Variants in ERF observed in about 807,000 individuals in gnomAD.
ERF encodes the protein ETS2 repressor factor.
Under a neutral mutation model 41.6 loss-of-function variants are expected in ERF, and 10 were observed. The ratio of observed to expected loss-of-function variants is 0.24; its 90% confidence interval spans 0.15 to 0.41. The LOEUF is 0.41. Among genes scored for constraint, ERF ranks in the 10% least tolerant of loss-of-function variants. The pLI, the probability that ERF is intolerant of heterozygous loss-of-function variation, is 1.00. For missense variants in ERF, 621 were observed against 763.2 expected (o/e 0.81, Z 2.19); for synonymous variants, 395 against 342.4 (o/e 1.15, Z -1.70).
chr19:42,250,147 C>T lies in ERF; in HGVS notation c.257+184G>A. The T allele has an allele frequency of 1.3e-6, 1 of 765,982 alleles. No homozygotes were observed. The highest frequency in any genetic ancestry group is 2.5e-5 in the Admixed American group (1 of 40,268). The allele number at this position is 765,982 out of a possible 1,614,324, so 47.4% of individuals were successfully genotyped here. A position where few individuals can be genotyped will look rare whatever the true frequency, so the allele number is the denominator to read the frequency against. On this transcript the variant is annotated intron_variant, in intron 2 of 3. Transcript: ENST00000222329. This position sits in a 1 kb window ranked among gnomAD's most constrained non-coding sequence, Gnocchi z 5.1. ...TAGAGGATCCACTGGTGACTGTAATCTCTCCTCAGGATACGTCTGTGTTAC... is the reference window on the plus strand; with the variant it reads ...TAGAGGATCCACTGGTGACTGTAATTTCTCCTCAGGATACGTCTGTGTTAC...
rs754348493 is a variant in ERF at position 42,249,828 on chromosome 19, A to G, written c.372T>C (p.Ala124=). 1.9e-6 allele frequency: 3 copies of G among 1,614,168 alleles called. No individual in the cohort carries two copies. The Admixed American group carries it at 5.0e-5, about 27-fold the overall frequency. ...ACACCAACCATCCCTGGTACTCACC[A>G]GCCAACCCCACATCAATGAATGGGT... is the stretch of plus-strand genomic sequence containing the variant. ...VNYPFIDVGL[A]GGAVPQSAPP... The change falls in exon 3 of 4, where the codon GCT becomes GCC. Residue 124 remains alanine, a splice_region_variant and synonymous_variant. Transcript: ENST00000222329. The surrounding 1 kb of genome is among the most constrained non-coding windows in gnomAD (Gnocchi z 8.6).
In ERF at chr19:42,249,233, C is replaced by T. The variant is rs201956380; in HGVS notation, c.879G>A (p.Gly293=). ...LSPMYPSGGG[G]PSGSGGGSHF... is the part of the protein sequence containing the mutation. ...GGGAGCCTCCCCCTGAGCCGCTGGGCCCCCCGCCACCACTGGGGTACATCG... is the reference window on the plus strand; with the variant it reads ...GGGAGCCTCCCCCTGAGCCGCTGGGTCCCCCGCCACCACTGGGGTACATCG... Residue 293 remains glycine, a synonymous_variant, in exon 4 of 4, where the codon GGG becomes GGA. Coordinates refer to ENST00000222329, the MANE Select transcript of ERF (RefSeq NM_006494.4). This position sits in a 1 kb window ranked among gnomAD's most constrained non-coding sequence, Gnocchi z 8.6. 3.7e-6 allele frequency: 6 copies of T among 1,612,646 alleles called. No homozygotes were observed. The highest frequency in any genetic ancestry group is 4.5e-5 in the East Asian group (2 of 44,808).
intron 1 of ERF, chr19:42,253,831 G>A (rs904587956): frequency 3.9e-6 from 4 of 1,012,958 alleles, no homozygotes; most frequent in Non-Finnish European, 2.4e-6. Context: ...TGGGCCGGTC[G>A]GGGCACACAC....
rs771122144 is a variant in ERF at position 42,255,020 on chromosome 19, G to A, written c.-21C>T. The A allele has an allele frequency of 5.4e-5, 76 of 1,415,496 alleles. No individual in the cohort carries two copies. Among genetic ancestry groups the A allele is most frequent in the Non-Finnish European group, 6.7e-5 (73 of 1,085,768 alleles). 87.7% of individuals were successfully genotyped at this position (1,415,496 alleles called of 1,614,324 possible). On this transcript the variant is annotated 5_prime_UTR_variant, in exon 1 of 4. Coordinates refer to ENST00000222329, the MANE Select transcript of ERF (RefSeq NM_006494.4). ...TTCATGCTGGGGGGCCCGGGGCGAA[G>A]CGCCCCGATTCCGGGCCGCGGCTCC...
chr19:42,249,948 G>A lies in ERF; in HGVS notation c.258-6C>T. 1.9e-6 allele frequency: 3 copies of A among 1,613,482 alleles called. No homozygotes were observed. The highest frequency in any genetic ancestry group is 2.5e-6 in the Non-Finnish European group (3 of 1,179,448). On this transcript the variant is annotated splice_region_variant and splice_polypyrimidine_tract_variant and intron_variant, in intron 2 of 3. Coordinates refer to ENST00000222329, the MANE Select transcript of ERF (RefSeq NM_006494.4). The surrounding 1 kb of genome is among the most constrained non-coding windows in gnomAD (Gnocchi z 8.6). The stretch of plus-strand genomic sequence containing the variant: ...TGCGCTTGTTATAGTAATAGCTGTG[G>A]GTACAGAAATGCCATTGGGAAGGTC...
chr19:42,249,455 C>T lies in ERF; in HGVS notation c.657G>A (p.Gly219=), dbSNP rs2036403503. Residue 219 remains glycine, a synonymous_variant, in exon 4 of 4, where the codon GGG becomes GGA. Transcript: ENST00000222329. This position sits in a 1 kb window ranked among gnomAD's most constrained non-coding sequence, Gnocchi z 8.6. The part of the protein sequence containing the change: ...PGPPDLGAFR[G]PPLARLPHDP... ...CATGGGGCAGGCGGGCCAGCGGGGG[C>T]CCTCGGAAGGCACCCAGATCCGGAG... 2 of 1,597,676 alleles carry T rather than the reference C, an allele frequency of 1.3e-6. No homozygotes were observed. The highest frequency in any genetic ancestry group is 1.7e-5 in the Admixed American group (1 of 57,976).
chr19:42,248,394 G>A lies in ERF; in HGVS notation c.*71C>T, dbSNP rs1599819270. ...ACAAGAGAGCTGCCCTCACCTCCAG[G>A]GCATAGGGGGCTTAAGGCAGCAAAA... On this transcript the variant is annotated 3_prime_UTR_variant, in exon 4 of 4. Transcript: ENST00000222329. This position sits in a 1 kb window ranked among gnomAD's most constrained non-coding sequence, Gnocchi z 4.2. The A allele has an allele frequency of 4.5e-6, 6 of 1,343,876 alleles. No homozygotes were observed. The highest frequency in any genetic ancestry group is 5.8e-6 in the Non-Finnish European group (6 of 1,034,252). 83.2% of individuals were successfully genotyped at this position (1,343,876 alleles called of 1,614,324 possible). A position where few individuals can be genotyped will look rare whatever the true frequency, so the allele number is the denominator to read the frequency against.
Position 42,249,397 on chromosome 19 carries a change from G to A in ERF, c.715C>T (p.Arg239Trp), listed in dbSNP as rs754203690. 3.2e-5 allele frequency: 50 copies of A among 1,575,992 alleles called. No homozygotes were observed. The highest frequency in any genetic ancestry group is 4.1e-5 in the Non-Finnish European group (48 of 1,161,462). Residue 239 changes from arginine (R) to tryptophan (W), a missense_variant, in exon 4 of 4, where the codon CGG becomes TGG. By Grantham distance (101) the Arg-to-Trp change is moderately radical (BLOSUM62 -3). Coordinates refer to ENST00000222329, the MANE Select transcript of ERF (RefSeq NM_006494.4). This position sits in a 1 kb window ranked among gnomAD's most constrained non-coding sequence, Gnocchi z 8.6. Reference protein sequence around the residue: ...PGVFRVYPRPRGGPEPLSPFP... With the variant: ...PGVFRVYPRPWGGPEPLSPFP... Reference sequence around the variant, plus strand: ...GGGCTGAGGGGTTCAGGGCCACCCCGAGGCCGGGGATAGACTCGGAAGACA... The same window carrying A: ...GGGCTGAGGGGTTCAGGGCCACCCCAAGGCCGGGGATAGACTCGGAAGACA...
In ERF at chr19:42,249,779, T is replaced by C; in HGVS notation, c.374-41A>G. On this transcript the variant is annotated intron_variant, in intron 3 of 3. Coordinates refer to ENST00000222329, the MANE Select transcript of ERF (RefSeq NM_006494.4). The surrounding 1 kb of genome is among the most constrained non-coding windows in gnomAD (Gnocchi z 8.6). Reference sequence around the variant, plus strand: ...CAGTGTCAAGGCCCCTGGCCTAGCCTGAAGGGGCATGTAGACCCTCTCCAC... The same window carrying C: ...CAGTGTCAAGGCCCCTGGCCTAGCCCGAAGGGGCATGTAGACCCTCTCCAC... 1.2e-6 allele frequency: 2 copies of C among 1,613,872 alleles called. No homozygotes were observed. Among genetic ancestry groups the C allele is most frequent in the Non-Finnish European group, 1.7e-6 (2 of 1,179,820 alleles).
At chr19:42,254,011 T>C (rs1192204602) in intron 1 of ERF, 1 of 897,090 alleles carries the variant, frequency 1.1e-6, no homozygotes, top group Non-Finnish European at 1.3e-6. Flanking sequence ...CCCTGCGCGC[T>C]CGGGCGCAAA....
At position 42,249,006 on chromosome 19, in the gene ERF, G is replaced by A. The variant is rs1049744926; in HGVS notation, c.1106C>T (p.Ser369Phe). Residue 369 changes from serine to phenylalanine, a missense_variant, in exon 4 of 4, where the codon TCT becomes TTT. Coordinates refer to ENST00000222329, the MANE Select transcript of ERF (RefSeq NM_006494.4). This position sits in a 1 kb window ranked among gnomAD's most constrained non-coding sequence, Gnocchi z 8.6. ...PVPSSASSSS[S>F]SSSSPFKFKL... ...AAACTTGAATGGGGAGGAAGAAGAA[G>A]AAGAGGATGACGAGGCCGAGGAGGG... is the stretch of plus-strand genomic sequence containing the variant. The A allele has an allele frequency of 6.2e-7, 1 of 1,610,104 alleles. No homozygotes were observed. Among genetic ancestry groups the A allele is most frequent in the Non-Finnish European group, 8.5e-7 (1 of 1,179,050 alleles).
At chr19:42,251,225 A>G in intron 1 of ERF, 2 of 984,994 alleles carry the variant, frequency 2.0e-6, no homozygotes, top group Non-Finnish European at 2.4e-6. Flanking sequence ...TCTGAGCTAC[A>G]CTGCCCTCCC....
chr19:42,251,442 T>C, intron 1 of ERF: 1 of 65,760 alleles, frequency 1.5e-5, no homozygotes, highest in Non-Finnish European at 1.9e-5. Flanking sequence ...GTGGGCAGCC[T>C]GGGGTGGGGG....
rs547132770 is a variant in ERF, at chr19:42,250,812, G to A, written c.23-247C>T. On this transcript the variant is annotated intron_variant, in intron 1 of 3. Transcript: ENST00000222329. This position sits in a 1 kb window ranked among gnomAD's most constrained non-coding sequence, Gnocchi z 5.1. ...GCGACACCGGGAGAAACAGGAAACC[G>A]TCGGCGGTGGGTCCCGGGGCCAGTG... is the stretch of plus-strand genomic sequence containing the variant. Among the ~76,000 whole-genome samples, 161 of 152,282 alleles carry A rather than the reference G, an allele frequency of 1.1e-3. 1 individual carries two copies. The highest frequency in any genetic ancestry group is 1.7e-3 in the Non-Finnish European group (117 of 68,012).
chr19:42,253,827 G>T (rs866779804), intron 1 of ERF: 1 of 999,754 alleles, frequency 1.0e-6, no homozygotes, highest in African/African-American at 1.8e-5. Flanking sequence ...TGGGTGGGCC[G>T]GTCGGGGCAC....
intron 1 of ERF, chr19:42,251,343 T>C: frequency 1.0e-6 from 1 of 985,804 alleles, no homozygotes; most frequent in Non-Finnish European, 1.2e-6. Flanking sequence ...CCTTCTCATC[T>C]TCAGCTCCTT....
chr19:42,251,334 C>T (rs2036441706), intron 1 of ERF: 23 of 985,878 alleles, frequency 2.3e-5, no homozygotes, highest in African/African-American at 3.5e-5. Flanking sequence ...CCACTTCTGC[C>T]TTCTCATCTT....
rs1453098687 is a variant in ERF, at chr19:42,248,955, C to T, written c.1157G>A (p.Arg386His). The change falls in exon 4 of 4, where the codon CGC becomes CAC. Residue 386 changes from arginine (R) to histidine (H), a missense_variant. Coordinates refer to ENST00000222329, the MANE Select transcript of ERF (RefSeq NM_006494.4). This position sits in a 1 kb window ranked among gnomAD's most constrained non-coding sequence, Gnocchi z 4.2. ...KFKLQPPPLG[R>H]RQRAAGEKAV... ...CTTCTCCCCAGCTGCCCGCTGCCGG[C>T]GTCCGAGTGGGGGCGGCTGGAGCTT... 5 of 1,606,484 alleles carry T rather than the reference C, an allele frequency of 3.1e-6. No individual in the cohort carries two copies. The highest frequency in any genetic ancestry group is 2.2e-5 in the East Asian group (1 of 44,862).
intron 1 of ERF, among the ~76,000 whole-genome samples, chr19:42,254,170 G>C (rs2036495483): frequency 6.6e-6 from 1 of 151,794 alleles, no homozygotes; most frequent in Non-Finnish European, 1.5e-5. Flanking sequence ...GCGGGGAAGA[G>C]AGGGGCGGAG....
Sources: allele counts gnomAD v4.1 joint callset (sites outside exome capture counted in the v4.1 genomes callset), GRCh38; gene constraint gnomAD v4.1.1; non-coding constraint Gnocchi (gnomAD v3.1); transcripts MANE v1.5; gene names NCBI Gene and HGNC (gene_info 2026-07-23, HGNC 2026-07-21).